DUSP4: variants seen among roughly 807,000 people sequenced by gnomAD.
DUSP4 encodes the protein dual specificity protein phosphatase 4.
A neutral mutation model predicts 27.2 loss-of-function variants in DUSP4; 12 were observed. The observed-to-expected ratio is 0.44, with a 90% CI of 0.28 to 0.71. The LOEUF is 0.71. Among genes scored for constraint, DUSP4 ranks in the 30% least tolerant of loss-of-function variants. The probability of loss-of-function intolerance (pLI) is 0.14; values close to 1 mark genes in which losing one functional copy is unlikely to be tolerated. For missense variants in DUSP4, 448 were observed against 551.3 expected, an observed-to-expected ratio of 0.81 and a Z score of 1.88; for synonymous variants, 257 against 245.2, an observed-to-expected ratio of 1.05 and a Z score of -0.45.
intron 1 of DUSP4, chr8:29,346,122 T>C: frequency 1.0e-6 from 1 of 969,952 alleles, no homozygotes; most frequent in Non-Finnish European, 1.2e-6. Context: ...TCCAGAGCTG[T>C]TAATTGTGTT....
rs2117266272 is a variant in DUSP4, at chr8:29,338,137, A to G, written c.799+145T>C. 4.9e-6 allele frequency: 4 copies of G among 823,712 alleles called. No individual in the cohort carries two copies. In the South Asian group the frequency reaches 5.0e-5, roughly 10 times the overall value. The allele number at this position is 823,712 out of a possible 1,614,324, so 51.0% of individuals were successfully genotyped here. A position where few individuals can be genotyped will look rare whatever the true frequency, so the allele number is the denominator to read the frequency against. ...TCCCTCCCAACCCAACATCCAATGT[A>G]TAAGCCTTCCCAATGAGGAAGAGGG... is the stretch of plus-strand genomic sequence containing the variant. On this transcript the variant is annotated intron_variant, in intron 3 of 3. Transcript: ENST00000240100.
intron 1 of DUSP4, among the ~76,000 whole-genome samples, chr8:29,349,496 C>A (rs1288690585): frequency 6.6e-6 from 1 of 152,198 alleles, no homozygotes; most frequent in African/African-American, 2.4e-5. Flanking sequence ...CTTGTCCCCA[C>A]GCGCCCCGTG....
At chr8:29,344,082 C>G (rs1297295042) in intron 1 of DUSP4, among the ~76,000 whole-genome samples, 1 of 152,188 alleles carries the variant, frequency 6.6e-6, no homozygotes, top group Non-Finnish European at 1.5e-5. Flanking sequence ...GGAGACAGAT[C>G]CAGGTGTAAG....
At chr8:29,340,943 G>C (rs1367739094) in intron 1 of DUSP4, among the ~76,000 whole-genome samples, 1 of 152,152 alleles carries the variant, frequency 6.6e-6, no homozygotes, top group Non-Finnish European at 1.5e-5. Context: ...AAAAAAAGAA[G>C]ATGATGATAA....
intron 1 of DUSP4, chr8:29,348,858 C>A (rs1385265501): frequency 9.5e-6 from 9 of 943,190 alleles, no homozygotes; most frequent in South Asian, 4.9e-5. Context: ...GCGCGGAATG[C>A]GGCGGCGGGA....
rs1293317305 is a variant in DUSP4, at chr8:29,335,344, C to T, written c.*1682G>A. On this transcript the variant is annotated 3_prime_UTR_variant, in exon 4 of 4. Transcript: ENST00000240100. ...AAATGGCGCCTGCGTGCCCATGACG[C>T]ACGTCACGGGAGCCAGCGGCCAGCC... 6.6e-6 allele frequency: 1 copy of T among 152,218 alleles called. No individual in the cohort carries two copies. Among genetic ancestry groups the T allele is most frequent in the Non-Finnish European group, 1.5e-5 (1 of 68,042 alleles). 9.4% of individuals were successfully genotyped at this position (152,218 alleles called of 1,614,324 possible).
intron 1 of DUSP4, chr8:29,348,714 G>C (rs1410915396): frequency 1.9e-5 from 19 of 985,520 alleles, no homozygotes; most frequent in Non-Finnish European, 1.2e-6. Flanking sequence ...GGTCGGAAGA[G>C]GAGCGGAAAG....
rs1563860000 is a variant in DUSP4, at chr8:29,338,263, C to T, written c.799+19G>A. 2 of 1,613,756 alleles carry T rather than the reference C, an allele frequency of 1.2e-6. No individual in the cohort carries two copies. Among genetic ancestry groups the T allele is most frequent in the Non-Finnish European group, 1.7e-6 (2 of 1,179,718 alleles). On this transcript the variant is annotated intron_variant, in intron 3 of 3. Coordinates refer to ENST00000240100, the MANE Select transcript of DUSP4 (RefSeq NM_001394.7). Reference sequence around the variant, plus strand: ...CACCCGCCCTCAAACCCAGGAACCCCAGAGCAGGGCCAGCCTACCGATGTA... The same window carrying T: ...CACCCGCCCTCAAACCCAGGAACCCTAGAGCAGGGCCAGCCTACCGATGTA...
intron 2 of DUSP4, 125 bp downstream of exon 2, chr8:29,339,973 G>C: frequency 7.7e-7 from 1 of 1,302,268 alleles, no homozygotes; most frequent in Non-Finnish European, 1.0e-6. Context: ...GCACTCCTGG[G>C]TGACAGAGCA....
chr8:29,349,479 G>A (rs1817789015), intron 1 of DUSP4, among the ~76,000 whole-genome samples: 1 of 152,156 alleles, frequency 6.6e-6, no homozygotes, highest in African/African-American at 2.4e-5. Context: ...CAAACCAACA[G>A]GCCTATCTTG....
intron 1 of DUSP4, among the ~76,000 whole-genome samples, chr8:29,347,000 G>T (rs902587739): frequency 2.2e-4 from 33 of 152,192 alleles, no homozygotes; most frequent in African/African-American, 7.5e-4. Flanking sequence ...CTGCTTTACA[G>T]ACACGCACAG....
chr8:29,343,271 G>A (rs896918474), intron 1 of DUSP4, among the ~76,000 whole-genome samples: 2 of 152,152 alleles, frequency 1.3e-5, no homozygotes, highest in African/African-American at 2.4e-5. Flanking sequence ...AGCTTTTGGG[G>A]GTCTGTGGCT....
At chr8:29,348,671 C>T in intron 1 of DUSP4, 9 of 985,436 alleles carry the variant, frequency 9.1e-6, no homozygotes, top group Non-Finnish European at 1.1e-5. Flanking sequence ...AGGTTTCCGC[C>T]CCCTTTCCAG....
Position 29,337,140 on chromosome 8 carries a change from G to T in DUSP4, c.1071C>A (p.Pro357=). 1 of 1,610,890 alleles carries T rather than the reference G, an allele frequency of 6.2e-7. No individual in the cohort carries two copies. ...AGACGAACTGCGAGGTGGGGGTGGCGGGGGTCTTGCCCCGCTCCCGCAGGG... is the reference window on the plus strand; with the variant it reads ...AGACGAACTGCGAGGTGGGGGTGGCTGGGGTCTTGCCCCGCTCCCGCAGGG... ...SGPLRERGKT[P]ATPTSQFVFS... The change falls in exon 4 of 4, where the codon CCC becomes CCA. Residue 357 remains proline (P), a synonymous_variant. Coordinates refer to ENST00000240100, the MANE Select transcript of DUSP4 (RefSeq NM_001394.7). The surrounding 1 kb of genome is among the most constrained non-coding windows in gnomAD (Gnocchi z 6.4).
At chr8:29,339,671 G>A (rs776729096) in intron 2 of DUSP4, among the ~76,000 whole-genome samples, 4 of 152,096 alleles carry the variant, frequency 2.6e-5, no homozygotes, top group East Asian at 1.9e-4. Context: ...CGGGTTCACC[G>A]CATTCTCCCC....
intron 2 of DUSP4, 100 bp downstream of exon 2, chr8:29,339,998 G>A (rs1785341900): frequency 1.4e-6 from 2 of 1,436,446 alleles, no homozygotes; most frequent in South Asian, 2.7e-5. Flanking sequence ...TGTCTCAAAA[G>A]CAAAGACAAA....
In DUSP4 at chr8:29,335,714, T is replaced by C. The variant is rs1194962805; in HGVS notation, c.*1312A>G. The C allele has an allele frequency of 6.6e-6, 1 of 152,250 alleles. No individual in the cohort carries two copies. The highest frequency in any genetic ancestry group is 2.4e-5 in the African/African-American group (1 of 41,472). 9.4% of individuals were successfully genotyped at this position (152,250 alleles called of 1,614,324 possible). The stretch of plus-strand genomic sequence containing the variant: ...TTCATTTCAGGGTTATCTCTAGTTG[T>C]CTGGTTTCCCCAATGGCTGGCCTTG... On this transcript the variant is annotated 3_prime_UTR_variant, in exon 4 of 4. Coordinates refer to ENST00000240100, the MANE Select transcript of DUSP4 (RefSeq NM_001394.7).
At position 29,337,455 on chromosome 8, in the gene DUSP4, C is replaced by G. The variant is rs1817595549; in HGVS notation, c.800-44G>C. Reference sequence around the variant, plus strand: ...AGGTTAGTGCACGTTTCTGCAGACCCCAGCCCCGACCAGGGGCACCGGCCA... The same window carrying G: ...AGGTTAGTGCACGTTTCTGCAGACCGCAGCCCCGACCAGGGGCACCGGCCA... On this transcript the variant is annotated intron_variant, in intron 3 of 3. Coordinates refer to ENST00000240100, the MANE Select transcript of DUSP4 (RefSeq NM_001394.7). This position sits in a 1 kb window ranked among gnomAD's most constrained non-coding sequence, Gnocchi z 6.4. The G allele has an allele frequency of 1.3e-6, 2 of 1,534,378 alleles. No homozygotes were observed. The highest frequency in any genetic ancestry group is 2.5e-5 in the South Asian group (2 of 80,114).
At chr8:29,341,797 G>C (rs1240287374) in intron 1 of DUSP4, among the ~76,000 whole-genome samples, 1 of 152,222 alleles carries the variant, frequency 6.6e-6, no homozygotes, top group Non-Finnish European at 1.5e-5. Context: ...GTCTGCAGCT[G>C]AAGTCCTTCA....
Sources: allele counts gnomAD v4.1 joint callset (sites outside exome capture counted in the v4.1 genomes callset), GRCh38; gene constraint gnomAD v4.1.1; non-coding constraint Gnocchi (gnomAD v3.1); transcripts MANE v1.5; gene names NCBI Gene and HGNC (gene_info 2026-07-23, HGNC 2026-07-21).